ZFHX3: variants seen among roughly 807,000 people sequenced by gnomAD.
ZFHX3 encodes the protein zinc finger homeobox protein 3.
ZFHX3 carries 42 observed loss-of-function variants against 279.1 expected under a neutral mutation model. That is an observed-to-expected ratio of 0.15 (90% CI 0.12 to 0.19). ZFHX3 has a LOEUF of 0.19. ZFHX3 is among the 10% of genes least tolerant of loss of function. ZFHX3 has a pLI of 1.00. For missense variants in ZFHX3, 4,981 were observed against 4,754.0 expected, an observed-to-expected ratio of 1.05 and a Z score of -1.40; for synonymous variants, 2,293 against 1,957.8, an observed-to-expected ratio of 1.17 and a Z score of -4.52.
intron 1 of ZFHX3, among the ~76,000 whole-genome samples, chr16:73,717,356 C>T (rs1371661960): frequency 6.6e-6 from 1 of 152,090 alleles, no homozygotes; most frequent in East Asian, 1.9e-4. Flanking sequence ...CACCGATTCC[C>T]ATTTGACTTA....
At chr16:73,263,633 C>T (rs1408224671) in intron 4 of ZFHX3, among the ~76,000 whole-genome samples, 2 of 152,176 alleles carry the variant, frequency 1.3e-5, no homozygotes, top group Non-Finnish European at 2.9e-5. Flanking sequence ...AATGTATGAC[C>T]TCCAGAGTCA....
At chr16:73,686,515 C>T (rs577238368) in intron 1 of ZFHX3, among the ~76,000 whole-genome samples, 244 of 152,286 alleles carry the variant, frequency 1.6e-3, no homozygotes, top group Non-Finnish European at 1.4e-3. Flanking sequence ...ACTGACCCTT[C>T]GGGAATTCTT....
At chr16:73,243,460 T>C (rs1173429079) in intron 5 of ZFHX3, among the ~76,000 whole-genome samples, 1 of 152,212 alleles carries the variant, frequency 6.6e-6, no homozygotes, top group Non-Finnish European at 1.5e-5. Context: ...TGTAACTTCA[T>C]CAGAATATCC....
intron 5 of ZFHX3, among the ~76,000 whole-genome samples, chr16:72,813,751 G>C (rs1291672066): frequency 6.6e-6 from 1 of 152,156 alleles, no homozygotes; most frequent in African/African-American, 2.4e-5. Context: ...ATACATGACG[G>C]CTGGATGTTT....
chr16:73,058,898 C>A, exon 1 of ZFHX3: 1 of 158,454 alleles, frequency 6.3e-6, no homozygotes. Context: ...CGGCTCTAGG[C>A]TGTAATTGGG....
At chr16:73,755,213 T>C (rs1293399473) in intron 1 of ZFHX3, among the ~76,000 whole-genome samples, 1 of 152,222 alleles carries the variant, frequency 6.6e-6, no homozygotes, top group Non-Finnish European at 1.5e-5. Context: ...AAAGATCCTT[T>C]GTTATCTCCT....
At chr16:73,081,435 T>G (rs1281379515) in intron 8 of ZFHX3, 1 of 152,138 alleles carries the variant, frequency 6.6e-6, no homozygotes, top group Non-Finnish European at 1.5e-5. Context: ...AATTTTGTAT[T>G]TTTAGTAGAG....
intron 1 of ZFHX3, among the ~76,000 whole-genome samples, chr16:73,810,658 T>C (rs1960402062): frequency 6.6e-6 from 1 of 152,016 alleles, no homozygotes; most frequent in Non-Finnish European, 1.5e-5. Context: ...AAATAGAAGC[T>C]CAAAGAGATT....
chr16:73,646,782 CAAT>C (rs1354842413), intron 2 of ZFHX3, among the ~76,000 whole-genome samples: 1 of 152,006 alleles, frequency 6.6e-6, no homozygotes, highest in Non-Finnish European at 1.5e-5. Context: ...CAAAAAATTT[CAAT>C]AGACAATAAT....
chr16:72,794,100 A>G lies in ZFHX3; in HGVS notation c.8582T>C (p.Ile2861Thr). Residue 2861 changes from isoleucine (I) to threonine (T), a missense_variant, in exon 9 of 10, where the codon ATA becomes ACA. Coordinates refer to ENST00000268489, the MANE Select transcript of ZFHX3 (RefSeq NM_006885.4). This position sits in a 1 kb window ranked among gnomAD's most constrained non-coding sequence, Gnocchi z 4.2. Reference sequence around the variant, plus strand: ...AGAAGAGGATTTGGTTTCAGTTGCTATTCCCGTTGCACTGTCGTTATCTGC... The same window carrying G: ...AGAAGAGGATTTGGTTTCAGTTGCTGTTCCCGTTGCACTGTCGTTATCTGC... ...GNADNDSATGIATETKSSSAP... is the reference protein window; with the variant it reads ...GNADNDSATGTATETKSSSAP... 2 of 1,614,200 alleles carry G rather than the reference A, an allele frequency of 1.2e-6. No homozygotes were observed. Among genetic ancestry groups the G allele is most frequent in the African/African-American group, 1.3e-5 (1 of 75,046 alleles).
intron 1 of ZFHX3, among the ~76,000 whole-genome samples, chr16:73,813,439 G>A (rs1960478656): frequency 6.6e-6 from 1 of 151,782 alleles, no homozygotes; most frequent in Non-Finnish European, 1.5e-5. Flanking sequence ...CTGCATAGGT[G>A]AAAATCAGTT....
At chr16:73,180,729 C>G (rs913143040) in intron 5 of ZFHX3, among the ~76,000 whole-genome samples, 2 of 151,928 alleles carry the variant, frequency 1.3e-5, no homozygotes, top group African/African-American at 4.8e-5. Flanking sequence ...GTGGTGCTAT[C>G]TCAGCTCACT....
At chr16:73,123,578 C>G (rs1363782819) in intron 7 of ZFHX3, 1 of 151,800 alleles carries the variant, frequency 6.6e-6, no homozygotes, top group African/African-American at 2.4e-5. Flanking sequence ...AACTTCCAAG[C>G]TAAGCCCAAC....
intron 5 of ZFHX3, among the ~76,000 whole-genome samples, chr16:73,200,800 T>A (rs1365947786): frequency 6.6e-6 from 1 of 152,232 alleles, no homozygotes; most frequent in Non-Finnish European, 1.5e-5. Context: ...ATTTAGCATT[T>A]GAATATTTTT....
intron 1 of ZFHX3, among the ~76,000 whole-genome samples, chr16:73,864,240 C>A (rs1374880386): frequency 6.6e-6 from 1 of 152,200 alleles, no homozygotes; most frequent in Non-Finnish European, 1.5e-5. Flanking sequence ...TTTCTATAGC[C>A]TCCTCCAGAA....
chr16:73,295,548 G>A (rs1174674162), intron 4 of ZFHX3, among the ~76,000 whole-genome samples: 3 of 152,196 alleles, frequency 2.0e-5, no homozygotes, highest in African/African-American at 4.8e-5. Flanking sequence ...TCTTGCATGC[G>A]CAATCTGCAG....
chr16:73,699,492 C>T (rs901588366), intron 1 of ZFHX3, among the ~76,000 whole-genome samples: 15 of 152,060 alleles, frequency 9.9e-5, no homozygotes, highest in African/African-American at 3.1e-4. Flanking sequence ...AAATTTAGAT[C>T]GCCAAGTTTT....
chr16:72,801,575 G>A (rs183656632), intron 7 of ZFHX3, among the ~76,000 whole-genome samples: 1 of 152,292 alleles, frequency 6.6e-6, no homozygotes, highest in East Asian at 1.9e-4. Flanking sequence ...GGTGCAAAAA[G>A]TAAGCAACAG....
At chr16:73,006,624 A>C (rs1963710212) in intron 1 of ZFHX3, among the ~76,000 whole-genome samples, 1 of 152,042 alleles carries the variant, frequency 6.6e-6, no homozygotes, top group African/African-American at 2.4e-5. Flanking sequence ...AAAGAAAAGA[A>C]AGAAAAGAAA....
Sources: gnomAD v4.1 joint callset for allele counts (sites outside exome capture counted in the v4.1 genomes callset) on GRCh38, gnomAD v4.1.1 for gene constraint, Gnocchi (gnomAD v3.1) non-coding constraint, MANE v1.5 for transcripts, NCBI Gene and HGNC (gene_info 2026-07-23, HGNC 2026-07-21) for gene names.